Variants in CRCP observed in about 807,000 individuals in gnomAD.
CRCP encodes the protein CGRP receptor component.
In CRCP, 18 loss-of-function variants were observed where a neutral mutation model predicts 18.5. The observed-to-expected ratio is 0.97, with a 90% CI of 0.67 to 1.44. The LOEUF is 1.44. CRCP is among the 40% of genes most tolerant of loss of function. The pLI is 0.00. For synonymous variants in CRCP, 53 were observed against 62.9 expected (o/e 0.84, Z 0.75); for missense variants, 130 against 176.4 (o/e 0.74, Z 1.49).
intron 1 of CRCP, among the ~76,000 whole-genome samples, chr7:66,117,429 T>C (rs909264253): frequency 6.6e-6 from 1 of 152,152 alleles, no homozygotes; most frequent in African/African-American, 2.4e-5. Context: ...CTCAAAGGTA[T>C]GTTTCTAACC....
rs189045542 is a variant in CRCP at position 66,149,950 on chromosome 7, G to A, written c.298-2258G>A. Among the ~76,000 whole-genome samples, 1,115 of 152,144 alleles carry A rather than the reference G, an allele frequency of 7.3e-3. 15 individuals carry two copies. The highest frequency in any genetic ancestry group is 0.024 in the African/African-American group (990 of 41,536). Reference sequence around the variant, plus strand: ...GCCTCCCGTGTAGCTGGGACTACAGGCGCACGCTGCCACGCCCAGCTAATT... The same window carrying A: ...GCCTCCCGTGTAGCTGGGACTACAGACGCACGCTGCCACGCCCAGCTAATT... On this transcript the variant is annotated intron_variant, in intron 5 of 5. Coordinates refer to ENST00000395326, the MANE Select transcript of CRCP (RefSeq NM_014478.5).
At chr7:66,116,026 T>C (rs997501907) in intron 1 of CRCP, among the ~76,000 whole-genome samples, 2 of 152,100 alleles carry the variant, frequency 1.3e-5, no homozygotes, top group Non-Finnish European at 2.9e-5. Context: ...CTCCAGCTCC[T>C]GAGCTCAAGT....
chr7:66,141,378 C>T (rs1276174870), intron 4 of CRCP, among the ~76,000 whole-genome samples: 2 of 152,124 alleles, frequency 1.3e-5, no homozygotes, highest in Non-Finnish European at 2.9e-5. Flanking sequence ...GCCCACCCTG[C>T]TGCCCGTCCC....
intron 1 of CRCP, among the ~76,000 whole-genome samples, chr7:66,119,303 G>A (rs1419362388): frequency 2.0e-5 from 3 of 152,168 alleles, no homozygotes; most frequent in African/African-American, 7.2e-5. Flanking sequence ...AGAGCTCTGC[G>A]CCCCCTCTCT....
At chr7:66,151,533 C>A (rs1423526867) in intron 5 of CRCP, among the ~76,000 whole-genome samples, 2 of 151,932 alleles carry the variant, frequency 1.3e-5, no homozygotes, top group Non-Finnish European at 2.9e-5. Flanking sequence ...TGTGCCACTG[C>A]ACTCCAGCCT....
At chr7:66,120,424 C>T (rs1225065603) in intron 1 of CRCP, 2 of 152,056 alleles carry the variant, frequency 1.3e-5, no homozygotes, top group Non-Finnish European at 2.9e-5. Flanking sequence ...CAGTGACTTC[C>T]TGTAACCAAT....
At chr7:66,138,682 T>C (rs1404171565) in intron 4 of CRCP, among the ~76,000 whole-genome samples, 1 of 147,766 alleles carries the variant, frequency 6.8e-6, no homozygotes, top group Non-Finnish European at 1.5e-5. Context: ...TAGTCCCAGC[T>C]ACTCGGGAGG....
intron 5 of CRCP, among the ~76,000 whole-genome samples, chr7:66,147,393 T>A (rs1283251781): frequency 6.6e-6 from 1 of 151,334 alleles, no homozygotes; most frequent in Non-Finnish European, 1.5e-5. Context: ...TCTCAGTCCT[T>A]GGTCCTGGTG....
chr7:66,127,704 G>A lies in CRCP; in HGVS notation c.9G>A (p.Val3=). ME[V]KDANSALLSN... The stretch of plus-strand genomic sequence containing the variant: ...ATGATAGCTTACTTTTCTTTTTCAG[G>A]AAGGATGCCAATTCTGCGCTTCTCA... The change falls in exon 2 of 6, where the codon GTG becomes GTA. Residue 3 remains valine, a splice_region_variant and synonymous_variant. Transcript: ENST00000395326. 6.2e-7 allele frequency: 1 copy of A among 1,614,130 alleles called. No individual in the cohort carries two copies. The highest frequency in any genetic ancestry group is 8.5e-7 in the Non-Finnish European group (1 of 1,180,010).
intron 1 of CRCP, among the ~76,000 whole-genome samples, chr7:66,124,314 C>T (rs574791644): frequency 1.3e-5 from 2 of 151,832 alleles, no homozygotes; most frequent in South Asian, 2.1e-4. Flanking sequence ...GAGCCGAGAT[C>T]GCACCATTGC....
At chr7:66,145,787 T>C (rs1788274480) in intron 5 of CRCP, among the ~76,000 whole-genome samples, 1 of 152,236 alleles carries the variant, frequency 6.6e-6, no homozygotes, top group African/African-American at 2.4e-5. Flanking sequence ...GTAGGCGTTG[T>C]TGCCAACCAG....
At chr7:66,121,332 T>A (rs1031922070) in intron 1 of CRCP, among the ~76,000 whole-genome samples, 1 of 152,160 alleles carries the variant, frequency 6.6e-6, no homozygotes, top group Non-Finnish European at 1.5e-5. Context: ...ATTACAGGCA[T>A]GAGCCACCGC....
At chr7:66,140,690 T>C (rs1483947513) in intron 4 of CRCP, among the ~76,000 whole-genome samples, 1 of 152,202 alleles carries the variant, frequency 6.6e-6, no homozygotes, top group African/African-American at 2.4e-5. Context: ...TGCGCCCGGC[T>C]GTGTCGAAAT....
In CRCP at chr7:66,154,059, A is replaced by C. The variant is rs1025635541; in HGVS notation, c.*1702A>C. On this transcript the variant is annotated 3_prime_UTR_variant, in exon 6 of 6. Transcript: ENST00000395326. The stretch of plus-strand genomic sequence containing the variant: ...GGCCGACAGGGTGAGACTCCATCTC[A>C]AAAAAGAGAAAGTACCAGATTGTAC... 6.6e-6 allele frequency: 1 copy of C among 152,122 alleles called. No homozygotes were observed. The allele number at this position is 152,122 out of a possible 1,614,324, so 9.4% of individuals were successfully genotyped here.
intron 4 of CRCP, among the ~76,000 whole-genome samples, chr7:66,145,084 A>T (rs1216981808): frequency 1.3e-5 from 2 of 152,140 alleles, no homozygotes; most frequent in Non-Finnish European, 2.9e-5. Flanking sequence ...TGAACCCTGG[A>T]GGCGGAGGCT....
At chr7:66,135,877 C>A (rs563561309) in intron 4 of CRCP, among the ~76,000 whole-genome samples, 1 of 151,754 alleles carries the variant, frequency 6.6e-6, no homozygotes, top group Non-Finnish European at 1.5e-5. Flanking sequence ...GCCAAGATCG[C>A]GCCCTTGCGC....
chr7:66,134,504 C>A, intron 4 of CRCP, 130 bp downstream of exon 4: 2 of 633,110 alleles, frequency 3.2e-6, no homozygotes, highest in East Asian at 3.0e-5. Context: ...GGAGATGAAA[C>A]AACTGAAAGT....
At chr7:66,132,572 G>C (rs1787840032) in intron 3 of CRCP, among the ~76,000 whole-genome samples, 1 of 152,102 alleles carries the variant, frequency 6.6e-6, no homozygotes, top group Admixed American at 6.6e-5. Flanking sequence ...GATGGTATCT[G>C]CCTGGTTTCT....
chr7:66,128,711 A>C (rs898983602), intron 2 of CRCP: 39 of 152,290 alleles, frequency 2.6e-4, no homozygotes, highest in African/African-American at 9.4e-4. Flanking sequence ...TTTTGGGCTT[A>C]GGGTGGGATT....
Sources: gnomAD v4.1 joint callset for allele counts (sites outside exome capture counted in the v4.1 genomes callset) on GRCh38, gnomAD v4.1.1 for gene constraint, MANE v1.5 for transcripts, NCBI Gene and HGNC (gene_info 2026-07-23, HGNC 2026-07-21) for gene names.